PDE7B: variants seen among roughly 807,000 people sequenced by gnomAD.
PDE7B encodes the protein phosphodiesterase 7B, also known as 3',5'-cyclic-AMP phosphodiesterase 7B.
In PDE7B, 29 loss-of-function variants were observed where a neutral mutation model predicts 56.2. That is an observed-to-expected ratio of 0.52 (90% confidence interval 0.38 to 0.70). PDE7B has a LOEUF of 0.70. Ranked by LOEUF, PDE7B falls within the 30% of genes least tolerant of loss-of-function variation. The pLI, the probability that PDE7B is intolerant of heterozygous loss-of-function variation, is 0.00. For synonymous variants in PDE7B, 197 were observed against 196.9 expected (o/e 1.00, Z 0.00); for missense variants, 490 against 565.0 (o/e 0.87, Z 1.35).
intron 1 of PDE7B, among the ~76,000 whole-genome samples, chr6:135,905,299 T>G (rs1353762723): frequency 6.6e-6 from 1 of 152,068 alleles, no homozygotes; most frequent in Non-Finnish European, 1.5e-5. Context: ...TTTAGACTGA[T>G]GTAATTCTCA....
chr6:135,926,301 A>G (rs201079027), intron 1 of PDE7B, among the ~76,000 whole-genome samples: 2 of 152,212 alleles, frequency 1.3e-5, no homozygotes, highest in East Asian at 1.9e-4. Flanking sequence ...GTTAGCCAGG[A>G]TGGTCTCAAT....
intron 2 of PDE7B, among the ~76,000 whole-genome samples, chr6:136,073,495 T>A (rs1472950162): frequency 6.6e-6 from 1 of 152,136 alleles, no homozygotes; most frequent in Non-Finnish European, 1.5e-5. Flanking sequence ...GTGGAGTTGG[T>A]TTCTTCTGAG....
Position 135,851,706 on chromosome 6 carries a change from G to A in PDE7B, c.-293G>A. ...GGCTGCTCACCCAGCCAGTCAGTTG[G>A]TCTGGGCACTGCAGCAGGCTCGGCT... On this transcript the variant is annotated 5_prime_UTR_variant, in exon 1 of 13. Transcript: ENST00000308191. 1 of 348,034 alleles carries A rather than the reference G, an allele frequency of 2.9e-6. No homozygotes were observed. Among genetic ancestry groups the A allele is most frequent in the Non-Finnish European group, 5.2e-6 (1 of 193,026 alleles). The allele number at this position is 348,034 out of a possible 1,614,324, so 21.6% of individuals were successfully genotyped here.
At chr6:136,189,955 A>G (rs1316017725) in intron 12 of PDE7B, among the ~76,000 whole-genome samples, 1 of 152,266 alleles carries the variant, frequency 6.6e-6, no homozygotes, top group East Asian at 1.9e-4. Context: ...AAATACAGAT[A>G]TAGTGCCAGG....
In PDE7B at chr6:135,947,465, G is replaced by T; in HGVS notation, c.23G>T (p.Arg8Met). ...ACCTTGGCTATCTTTCTATTTCAGA[G>T]GTGTGGCGAAATCTTGTTTGAGAAC... MSCLMVERCGEILFENPD... is the reference protein window; with the variant it reads MSCLMVEMCGEILFENPD... Residue 8 changes from arginine to methionine, a missense_variant and splice_region_variant, in exon 2 of 13, where the codon AGG becomes ATG. Coordinates refer to ENST00000308191, the MANE Select transcript of PDE7B (RefSeq NM_018945.4). 1 of 1,609,872 alleles carries T rather than the reference G, an allele frequency of 6.2e-7. No individual in the cohort carries two copies. Among genetic ancestry groups the T allele is most frequent in the South Asian group, 1.1e-5 (1 of 90,932 alleles).
intron 11 of PDE7B, among the ~76,000 whole-genome samples, chr6:136,184,049 G>C (rs978132311): frequency 3.6e-4 from 55 of 152,140 alleles, no homozygotes; most frequent in Non-Finnish European, 1.2e-4. Context: ...TAGTTTCCTA[G>C]AACATTTTAT....
chr6:136,038,242 C>T, intron 2 of PDE7B: 1 of 1,300,814 alleles, frequency 7.7e-7, no homozygotes, highest in Non-Finnish European at 1.0e-6. Context: ...GCAGCAGCAG[C>T]AGCAGCACCA....
intron 2 of PDE7B, among the ~76,000 whole-genome samples, chr6:135,970,149 C>G (rs775773662): frequency 2.0e-5 from 3 of 152,110 alleles, no homozygotes; most frequent in Non-Finnish European, 4.4e-5. Context: ...TCCCTTGGGT[C>G]TCATAAAGTT....
chr6:136,074,667 G>T (rs1320034662), intron 2 of PDE7B, among the ~76,000 whole-genome samples: 1 of 152,146 alleles, frequency 6.6e-6, no homozygotes, highest in African/African-American at 2.4e-5. Flanking sequence ...AAATAGGTGA[G>T]AATATATAAA....
chr6:136,006,898 A>ATTTC (rs1775795021), intron 2 of PDE7B, among the ~76,000 whole-genome samples: 1 of 151,990 alleles, frequency 6.6e-6, no homozygotes, highest in Admixed American at 6.6e-5. Flanking sequence ...TAGATGCCTT[A>ATTTC]TTTCTTTCTC....
At chr6:135,941,184 A>G (rs1334820851) in intron 1 of PDE7B, among the ~76,000 whole-genome samples, 2 of 152,228 alleles carry the variant, frequency 1.3e-5, no homozygotes, top group Non-Finnish European at 2.9e-5. Context: ...ACTTTCCACT[A>G]AACTTCAAAA....
chr6:136,011,292 T>C (rs1775890784), intron 2 of PDE7B, among the ~76,000 whole-genome samples: 1 of 152,148 alleles, frequency 6.6e-6, no homozygotes, highest in Non-Finnish European at 1.5e-5. Flanking sequence ...ATGGCAATAC[T>C]CAAAGGTTCC....
At chr6:136,157,746 A>G (rs981984445) in intron 8 of PDE7B, among the ~76,000 whole-genome samples, 2 of 152,216 alleles carry the variant, frequency 1.3e-5, no homozygotes, top group African/African-American at 4.8e-5. Context: ...AAAGAATGCT[A>G]TAAACTGGGC....
intron 2 of PDE7B, among the ~76,000 whole-genome samples, chr6:136,054,359 A>G (rs1214240828): frequency 2.0e-5 from 3 of 152,128 alleles, no homozygotes; most frequent in African/African-American, 7.2e-5. Flanking sequence ...AAGATCAGAT[A>G]GTTGTAGATA....
intron 1 of PDE7B, among the ~76,000 whole-genome samples, chr6:135,894,331 TA>T (rs776196406): frequency 6.6e-6 from 1 of 152,156 alleles, no homozygotes. Context: ...AGAGTGAATT[TA>T]AATGTATATT....
chr6:136,150,952 G>T (rs953237674), intron 5 of PDE7B, among the ~76,000 whole-genome samples: 1 of 152,192 alleles, frequency 6.6e-6, no homozygotes, highest in Non-Finnish European at 1.5e-5. Context: ...AAGGGAGAAG[G>T]TCTGAGCTAA....
intron 3 of PDE7B, among the ~76,000 whole-genome samples, chr6:136,128,739 G>A (rs1027940333): frequency 6.6e-6 from 1 of 152,132 alleles, no homozygotes; most frequent in African/African-American, 2.4e-5. Flanking sequence ...CGCATATATG[G>A]CTGAAGAACT....
At chr6:136,036,485 T>C (rs543792162) in intron 2 of PDE7B, among the ~76,000 whole-genome samples, 251 of 152,218 alleles carry the variant, frequency 1.6e-3, no homozygotes, top group African/African-American at 5.7e-3. Flanking sequence ...AAAAAGAAAA[T>C]TCACTTAATC....
chr6:136,004,526 T>A (rs1223000433), intron 2 of PDE7B, among the ~76,000 whole-genome samples: 3 of 152,068 alleles, frequency 2.0e-5, no homozygotes, highest in Non-Finnish European at 2.9e-5. Context: ...AAAATCAATG[T>A]ACAAAAATCA....
Sources: gnomAD v4.1 joint callset for allele counts (sites outside exome capture counted in the v4.1 genomes callset) on GRCh38, gnomAD v4.1.1 for gene constraint, MANE v1.5 for transcripts, NCBI Gene and HGNC (gene_info 2026-07-23, HGNC 2026-07-21) for gene names.